SMIM41: variants seen among roughly 807,000 people sequenced by gnomAD.
SMIM41 encodes the protein small integral membrane protein 41.
intron 2 of SMIM41, among the ~76,000 whole-genome samples, chr12:52,088,695 C>T (rs1462096358): frequency 2.6e-5 from 4 of 152,208 alleles, no homozygotes; most frequent in Non-Finnish European, 5.9e-5. Context: ...CTTCTCAGCC[C>T]ACCCATCCTC....
chr12:52,091,422 T>C (rs1354838960), intron 2 of SMIM41, among the ~76,000 whole-genome samples: 1 of 152,236 alleles, frequency 6.6e-6, no homozygotes, highest in Non-Finnish European at 1.5e-5. Flanking sequence ...ATTGAGTCTA[T>C]GTGAACTCTC....
intron 2 of SMIM41, among the ~76,000 whole-genome samples, chr12:52,086,803 G>A (rs186609214): frequency 2.6e-5 from 4 of 152,282 alleles, no homozygotes; most frequent in African/African-American, 9.6e-5. Context: ...AGCCTATTCC[G>A]GCTGCCCCAC....
At chr12:52,093,992 G>A (rs1258473542) in intron 2 of SMIM41, among the ~76,000 whole-genome samples, 1 of 151,800 alleles carries the variant, frequency 6.6e-6, no homozygotes, top group African/African-American at 2.4e-5. Flanking sequence ...TTAGCCGGGT[G>A]TGGTAGTGGG....
At chr12:52,091,160 T>G (rs140090724) in intron 2 of SMIM41, among the ~76,000 whole-genome samples, 11 of 152,288 alleles carry the variant, frequency 7.2e-5, no homozygotes, top group African/African-American at 2.6e-4. Context: ...TACAGGGGTG[T>G]GCCACCACAT....
At chr12:52,100,622 ATTT>A (rs1173057236) in intron 2 of SMIM41, among the ~76,000 whole-genome samples, 2 of 111,112 alleles carry the variant, frequency 1.8e-5, no homozygotes, top group South Asian at 2.9e-4. Context: ...GCGCCCAGCT[ATTT>A]TTTTTTTTTT....
At chr12:52,099,117 G>T (rs984259919) in intron 2 of SMIM41, among the ~76,000 whole-genome samples, 1 of 151,994 alleles carries the variant, frequency 6.6e-6, no homozygotes, top group African/African-American at 2.4e-5. Flanking sequence ...GTTTCACAGG[G>T]ATGTGTGTAC....
chr12:52,088,389 G>A (rs971354131), intron 2 of SMIM41, among the ~76,000 whole-genome samples: 2 of 152,182 alleles, frequency 1.3e-5, no homozygotes, highest in Admixed American at 6.5e-5. Flanking sequence ...GGGGCGGGAA[G>A]CTCCTGGGGT....
chr12:52,104,670 G>T (rs1263033158), intron 2 of SMIM41, among the ~76,000 whole-genome samples: 1 of 144,152 alleles, frequency 6.9e-6, no homozygotes, highest in Admixed American at 6.8e-5. Context: ...TCTTGGTTAT[G>T]GTCGGGGGGG....
At chr12:52,095,548 C>G (rs1940077777) in intron 2 of SMIM41, among the ~76,000 whole-genome samples, 1 of 152,048 alleles carries the variant, frequency 6.6e-6, no homozygotes, top group African/African-American at 2.4e-5. Flanking sequence ...GTGTTTCTAC[C>G]CCCAGCGGCA....
At chr12:52,094,352 T>C (rs1039735442) in intron 2 of SMIM41, among the ~76,000 whole-genome samples, 4 of 151,642 alleles carry the variant, frequency 2.6e-5, no homozygotes, top group African/African-American at 9.7e-5. Context: ...TGTGCCACCA[T>C]GGCCAGCTAA....
intron 2 of SMIM41, among the ~76,000 whole-genome samples, chr12:52,102,794 T>C (rs1940244720): frequency 6.6e-6 from 1 of 152,208 alleles, no homozygotes; most frequent in Non-Finnish European, 1.5e-5. Context: ...GAAAATAGTA[T>C]GGCGTGTACT....
chr12:52,085,642 G>A (rs1322584325), intron 2 of SMIM41, among the ~76,000 whole-genome samples: 1 of 152,004 alleles, frequency 6.6e-6, no homozygotes, highest in African/African-American at 2.4e-5. Flanking sequence ...CCTGGGGTTT[G>A]CTGCTATTGG....
chr12:52,103,322 A>G (rs1202459372), intron 2 of SMIM41, among the ~76,000 whole-genome samples: 2 of 150,608 alleles, frequency 1.3e-5, no homozygotes, highest in Non-Finnish European at 3.0e-5. Context: ...GTGAGACTCC[A>G]TGTAAACACA....
Position 52,079,773 on chromosome 12 carries a change from C to T in SMIM41, c.-7C>T. On this transcript the variant is annotated 5_prime_UTR_variant, in exon 1 of 3. Coordinates refer to ENST00000546390, the MANE Select transcript of SMIM41 (RefSeq NM_001369216.1). ...TCCCGCCACATCTGGGCAGCCGGCGCTGGAGCATGAACGGCTCTCAGGCGG... is the reference window on the plus strand; with the variant it reads ...TCCCGCCACATCTGGGCAGCCGGCGTTGGAGCATGAACGGCTCTCAGGCGG... 2.5e-6 allele frequency: 1 copy of T among 393,254 alleles called. No homozygotes were observed. The highest frequency in any genetic ancestry group is 4.5e-6 in the Non-Finnish European group (1 of 222,362). The allele number at this position is 393,254 out of a possible 1,614,324, so 24.4% of individuals were successfully genotyped here.
chr12:52,099,538 T>C (rs1328882660), intron 2 of SMIM41, among the ~76,000 whole-genome samples: 3 of 151,938 alleles, frequency 2.0e-5, no homozygotes, highest in Non-Finnish European at 2.9e-5. Flanking sequence ...CGTGCGATAT[T>C]GAAAGTAATA....
At chr12:52,088,895 C>T (rs1939937069) in intron 2 of SMIM41, among the ~76,000 whole-genome samples, 1 of 152,114 alleles carries the variant, frequency 6.6e-6, no homozygotes, top group Admixed American at 6.5e-5. Flanking sequence ...CGTGCTCCAC[C>T]ATCTCCAGTC....
rs1474829873 is a variant in SMIM41, at chr12:52,080,632, G to C, written c.*120+451G>C. ...CTATAGGTCCTAGGCCCAACTCTGCGGGCCCCAGCACTGCCCACTCCACGG... is the reference window on the plus strand; with the variant it reads ...CTATAGGTCCTAGGCCCAACTCTGCCGGCCCCAGCACTGCCCACTCCACGG... On this transcript the variant is annotated intron_variant, in intron 1 of 2. Coordinates refer to ENST00000546390, the MANE Select transcript of SMIM41 (RefSeq NM_001369216.1). Among the ~76,000 whole-genome samples the C allele has an allele frequency of 2.0e-5, 3 of 152,158 alleles. No individual in the cohort carries two copies. The East Asian group carries it at 5.8e-4, about 29-fold the overall frequency.
At position 52,107,990 on chromosome 12, in the gene SMIM41, C is replaced by G. The variant is rs1276856068; in HGVS notation, c.*807C>G. The G allele has an allele frequency of 1.9e-5, 5 of 258,126 alleles. No homozygotes were observed. The highest frequency in any genetic ancestry group is 3.8e-5 in the Non-Finnish European group (5 of 132,326). The allele number at this position is 258,126 out of a possible 1,614,324, so 16.0% of individuals were successfully genotyped here. A position where few individuals can be genotyped will look rare whatever the true frequency, so the allele number is the denominator to read the frequency against. On this transcript the variant is annotated 3_prime_UTR_variant, in exon 3 of 3. Transcript: ENST00000546390. Reference sequence around the variant, plus strand: ...CCATCTCGGGGACCCTTTTCTCTTACTATAAAATTGTTTCCTCCATTCTGA... The same window carrying G: ...CCATCTCGGGGACCCTTTTCTCTTAGTATAAAATTGTTTCCTCCATTCTGA...
chr12:52,088,953 G>A (rs1939938185), intron 2 of SMIM41, among the ~76,000 whole-genome samples: 1 of 151,940 alleles, frequency 6.6e-6, no homozygotes, highest in Non-Finnish European at 1.5e-5. Context: ...CAGGCACCGA[G>A]TCTTCAGTGG....
Sources: gnomAD v4.1 joint callset for allele counts (sites outside exome capture counted in the v4.1 genomes callset) on GRCh38, gnomAD v4.1.1 for gene constraint, MANE v1.5 for transcripts, NCBI Gene and HGNC (gene_info 2026-07-23, HGNC 2026-07-21) for gene names.